Variants in ARHGAP44 observed in about 807,000 individuals in gnomAD.
ARHGAP44 encodes the protein Rho GTPase activating protein 44.
A neutral mutation model predicts 106.8 loss-of-function variants in ARHGAP44; 43 were observed. The observed-to-expected ratio is 0.40, with a 90% CI of 0.32 to 0.52. The LOEUF (loss-of-function observed/expected upper bound fraction) is 0.52, where lower values mean the gene tolerates loss of function less well. ARHGAP44 is among the 20% of genes least tolerant of loss of function. The pLI is 0.48. For missense variants in ARHGAP44, 866 were observed against 1,050.5 expected, an observed-to-expected ratio of 0.82 and a Z score of 2.43; for synonymous variants, 439 against 410.3, an observed-to-expected ratio of 1.07 and a Z score of -0.85.
At chr17:12,874,603 C>A (rs1284169771) in intron 1 of ARHGAP44, among the ~76,000 whole-genome samples, 1 of 151,926 alleles carries the variant, frequency 6.6e-6, no homozygotes, top group Non-Finnish European at 1.5e-5. Context: ...TGGTGGTGGG[C>A]ACCTGTAAAT....
intron 4 of ARHGAP44, among the ~76,000 whole-genome samples, chr17:12,909,635 C>T (rs1435540757): frequency 6.6e-6 from 1 of 151,806 alleles, no homozygotes. Context: ...AGAGCCGCCA[C>T]CCAGAATGAA....
At chr17:12,790,841 C>A in intron 1 of ARHGAP44, 1 of 152,308 alleles carries the variant, frequency 6.6e-6, no homozygotes. Flanking sequence ...ACCCCTACTC[C>A]TGGGGAGGGA....
intron 19 of ARHGAP44, among the ~76,000 whole-genome samples, chr17:12,981,664 C>T (rs1305356877): frequency 6.6e-6 from 1 of 151,532 alleles, no homozygotes; most frequent in Admixed American, 6.6e-5. Context: ...TCCCAAAGTG[C>T]TGGGATTACA....
At chr17:12,968,877 C>G (rs1213643098) in intron 16 of ARHGAP44, among the ~76,000 whole-genome samples, 3 of 151,682 alleles carry the variant, frequency 2.0e-5, no homozygotes, top group Non-Finnish European at 2.9e-5. Context: ...TCACGCCATT[C>G]TCCTGCCTCA....
chr17:12,880,549 A>T (rs2036696988), intron 1 of ARHGAP44, among the ~76,000 whole-genome samples: 1 of 151,964 alleles, frequency 6.6e-6, no homozygotes, highest in African/African-American at 2.4e-5. Flanking sequence ...AGAGTCACTC[A>T]TGTTGTTTGG....
chr17:12,951,396 A>G (rs915833775), intron 12 of ARHGAP44, among the ~76,000 whole-genome samples: 5 of 152,146 alleles, frequency 3.3e-5, no homozygotes, highest in African/African-American at 7.2e-5. Context: ...GGGCCTTTAC[A>G]CTTAACCACA....
At chr17:12,863,593 C>T (rs1281896397) in intron 1 of ARHGAP44, among the ~76,000 whole-genome samples, 2 of 152,084 alleles carry the variant, frequency 1.3e-5, no homozygotes, top group East Asian at 3.9e-4. Context: ...AAGGAGAGAC[C>T]TGGAGACAAT....
chr17:12,853,397 GC>G (rs1351216379), intron 1 of ARHGAP44, among the ~76,000 whole-genome samples: 1 of 152,186 alleles, frequency 6.6e-6, no homozygotes, highest in African/African-American at 2.4e-5. Flanking sequence ...ACGTCCCAGA[GC>G]CCCTGATCTA....
chr17:12,836,311 T>C (rs2035236429), intron 1 of ARHGAP44, among the ~76,000 whole-genome samples: 1 of 152,126 alleles, frequency 6.6e-6, no homozygotes, highest in African/African-American at 2.4e-5. Context: ...TTTATTAATA[T>C]ATCAGATACA....
At chr17:12,959,931 C>T (rs533853388) in intron 16 of ARHGAP44, among the ~76,000 whole-genome samples, 92 of 152,326 alleles carry the variant, frequency 6.0e-4, no homozygotes, top group African/African-American at 2.1e-3. Context: ...TGGCCTAAAG[C>T]GGTGCAGGAG....
At chr17:12,822,782 T>C (rs2034809010) in intron 1 of ARHGAP44, among the ~76,000 whole-genome samples, 1 of 152,174 alleles carries the variant, frequency 6.6e-6, no homozygotes, top group Non-Finnish European at 1.5e-5. Context: ...AATGCACATG[T>C]CTGACTCTGA....
chr17:12,899,738 A>G (rs1419168355), intron 3 of ARHGAP44, among the ~76,000 whole-genome samples: 1 of 152,172 alleles, frequency 6.6e-6, no homozygotes, highest in Admixed American at 6.5e-5. Context: ...GAGAGACTTT[A>G]TGGGGATCCA....
chr17:12,964,032 G>A (rs1339611847), intron 16 of ARHGAP44, among the ~76,000 whole-genome samples: 2 of 152,178 alleles, frequency 1.3e-5, no homozygotes, highest in Non-Finnish European at 2.9e-5. Flanking sequence ...TATATAGGGT[G>A]TCCTAACTCC....
intron 7 of ARHGAP44, among the ~76,000 whole-genome samples, chr17:12,934,636 A>G (rs966806286): frequency 6.6e-6 from 1 of 152,194 alleles, no homozygotes; most frequent in African/African-American, 2.4e-5. Flanking sequence ...TTTCTGAAAC[A>G]CCAGTGGAAG....
intron 1 of ARHGAP44, among the ~76,000 whole-genome samples, chr17:12,876,395 A>G (rs534371589): frequency 8.0e-4 from 122 of 152,136 alleles, no homozygotes; most frequent in Non-Finnish European, 1.6e-3. Context: ...GATTCTAGGG[A>G]TCTGTGAGTA....
intron 1 of ARHGAP44, among the ~76,000 whole-genome samples, chr17:12,862,105 A>G (rs1308013261): frequency 1.3e-5 from 2 of 152,096 alleles, no homozygotes; most frequent in African/African-American, 4.8e-5. Flanking sequence ...GAGGCGGGGC[A>G]TTATTTTGTC....
chr17:12,821,163 A>G (rs1019827988), intron 1 of ARHGAP44, among the ~76,000 whole-genome samples: 1 of 152,224 alleles, frequency 6.6e-6, no homozygotes, highest in Admixed American at 6.5e-5. Flanking sequence ...GCACTGGCCA[A>G]ATCTGACTGA....
Position 12,958,688 on chromosome 17 carries a change from C to A in ARHGAP44, c.1343-29C>A, listed in dbSNP as rs1266128968. The A allele has an allele frequency of 2.5e-6, 4 of 1,608,514 alleles. No individual in the cohort carries two copies. Among genetic ancestry groups the A allele is most frequent in the South Asian group, 1.1e-5 (1 of 90,486 alleles). On this transcript the variant is annotated intron_variant, in intron 15 of 20. Coordinates refer to ENST00000379672, the MANE Select transcript of ARHGAP44 (RefSeq NM_014859.6). The surrounding 1 kb of genome is among the most constrained non-coding windows in gnomAD (Gnocchi z 4.1). Reference sequence around the variant, plus strand: ...GGAAGGGTGTGGCAGACCAAGAGTTCACATGTACCAATTCTTTCTTCCCCG... The same window carrying A: ...GGAAGGGTGTGGCAGACCAAGAGTTAACATGTACCAATTCTTTCTTCCCCG...
At chr17:12,979,555 G>C (rs756082709) in intron 18 of ARHGAP44, among the ~76,000 whole-genome samples, 27 of 152,306 alleles carry the variant, frequency 1.8e-4, no homozygotes, top group South Asian at 4.1e-4. Flanking sequence ...TCCTGCCTGG[G>C]GGGTGGCTGG....
Sources: allele counts gnomAD v4.1 joint callset (sites outside exome capture counted in the v4.1 genomes callset), GRCh38; gene constraint gnomAD v4.1.1; non-coding constraint Gnocchi (gnomAD v3.1); transcripts MANE v1.5; gene names NCBI Gene and HGNC (gene_info 2026-07-23, HGNC 2026-07-21).